Variants in NDFIP1 observed in about 807,000 individuals in gnomAD.
NDFIP1 encodes the protein NEDD4 family-interacting protein 1.
Under a neutral mutation model 28.8 loss-of-function variants are expected in NDFIP1, and 7 were observed. The observed-to-expected ratio is 0.24, with a 90% CI of 0.14 to 0.46. The LOEUF (loss-of-function observed/expected upper bound fraction) is 0.46, where lower values mean the gene tolerates loss of function less well. Among genes scored for constraint, NDFIP1 ranks in the 20% least tolerant of loss-of-function variants. The probability of loss-of-function intolerance (pLI) is 0.99; values close to 1 mark genes in which losing one functional copy is unlikely to be tolerated. For missense variants in NDFIP1, 194 were observed against 269.1 expected (o/e 0.72, Z 1.95); for synonymous variants, 92 against 101.0 (o/e 0.91, Z 0.53).
chr5:142,130,455 T>C (rs1596788511), intron 1 of NDFIP1, among the ~76,000 whole-genome samples: 1 of 152,324 alleles, frequency 6.6e-6, no homozygotes, highest in South Asian at 2.1e-4. Flanking sequence ...TTGGTGTGCA[T>C]GTGGAATATA....
intron 1 of NDFIP1, among the ~76,000 whole-genome samples, chr5:142,112,939 T>C (rs1440267940): frequency 6.6e-6 from 1 of 152,160 alleles, no homozygotes; most frequent in Non-Finnish European, 1.5e-5. Flanking sequence ...CTGAGAAACC[T>C]GTTGCGTGTT....
rs183121297 is a variant in NDFIP1 at position 142,115,789 on chromosome 5, G to C, written c.63+6752G>C. Reference sequence around the variant, plus strand: ...GCTTCTAGTGGTTGGCTAGGTGGGGGTATGAGTTAGAGTAGGCTCTGGGTA... The same window carrying C: ...GCTTCTAGTGGTTGGCTAGGTGGGGCTATGAGTTAGAGTAGGCTCTGGGTA... On this transcript the variant is annotated intron_variant, in intron 1 of 7. Coordinates refer to ENST00000253814, the MANE Select transcript of NDFIP1 (RefSeq NM_030571.4). Among the ~76,000 whole-genome samples the C allele has an allele frequency of 3.5e-3, 530 of 152,202 alleles. 2 individuals carry two copies. Among genetic ancestry groups the C allele is most frequent in the African/African-American group, 0.012 (516 of 41,522 alleles).
chr5:142,131,360 C>T (rs1406734213), intron 1 of NDFIP1, among the ~76,000 whole-genome samples: 2 of 152,040 alleles, frequency 1.3e-5, no homozygotes, highest in Admixed American at 6.5e-5. Flanking sequence ...CTGCAACCTC[C>T]GCCTCCCGGG....
intron 6 of NDFIP1, among the ~76,000 whole-genome samples, chr5:142,142,650 C>T (rs552585422): frequency 5.3e-5 from 8 of 151,796 alleles, no homozygotes; most frequent in Admixed American, 2.0e-4. Flanking sequence ...GAGTTTGGCC[C>T]GGCGTGGTGG....
At chr5:142,144,738 T>C (rs1419073045) in intron 7 of NDFIP1, 62 bp downstream of exon 7, 6 of 1,129,010 alleles carry the variant, frequency 5.3e-6, no homozygotes, top group Non-Finnish European at 7.9e-6. Flanking sequence ...TAGATTTCTG[T>C]TCAGTTTTAG....
intron 1 of NDFIP1, among the ~76,000 whole-genome samples, chr5:142,120,250 C>T (rs1431875785): frequency 6.6e-6 from 1 of 152,160 alleles, no homozygotes; most frequent in African/African-American, 2.4e-5. Flanking sequence ...GCCACTGCAC[C>T]CGGCCCAAAC....
rs1384179181 is a variant in NDFIP1 at position 142,148,763 on chromosome 5, A to T, written c.*3-2968A>T. Among the ~76,000 whole-genome samples, 3 of 150,046 alleles carry T rather than the reference A, an allele frequency of 2.0e-5. 1 individual carries two copies. In the East Asian group the frequency reaches 5.9e-4, roughly 29 times the overall value. ...GAGACTCTGTCTCAAAAAAAAAAAA[A>T]AAAAAAAAAAAAAAGTATGTGACTG... is the stretch of plus-strand genomic sequence containing the variant. On this transcript the variant is annotated intron_variant, in intron 7 of 7. Coordinates refer to ENST00000253814, the MANE Select transcript of NDFIP1 (RefSeq NM_030571.4).
intron 1 of NDFIP1, among the ~76,000 whole-genome samples, chr5:142,117,305 G>A (rs539496820): frequency 6.7e-6 from 1 of 149,502 alleles, no homozygotes; most frequent in South Asian, 2.1e-4. Flanking sequence ...GTGCAGTGGC[G>A]AAATCTCAGC....
At chr5:142,135,874 G>A (rs1757270299) in intron 4 of NDFIP1, 57 bp downstream of exon 4, 1 of 1,215,076 alleles carries the variant, frequency 8.2e-7, no homozygotes. Context: ...TTTGGATTAT[G>A]GGTGAATCTG....
At chr5:142,116,368 C>G (rs201584855) in intron 1 of NDFIP1, among the ~76,000 whole-genome samples, 2 of 106,352 alleles carry the variant, frequency 1.9e-5, no homozygotes, top group East Asian at 5.5e-4. Context: ...CTCTCTCTCT[C>G]TCTCTTTCTT....
intron 1 of NDFIP1, among the ~76,000 whole-genome samples, chr5:142,121,196 G>A (rs2126912954): frequency 6.6e-6 from 1 of 152,308 alleles, no homozygotes; most frequent in Non-Finnish European, 1.5e-5. Context: ...ATCAAGATAA[G>A]TTTTCCTTCA....
chr5:142,131,028 C>T (rs1757222316), intron 1 of NDFIP1, among the ~76,000 whole-genome samples: 2 of 151,844 alleles, frequency 1.3e-5, no homozygotes, highest in African/African-American at 4.8e-5. Context: ...AATCTTAGCT[C>T]GCTGCAGCCA....
In NDFIP1 at chr5:142,135,468, T is replaced by C. The variant is rs373178013; in HGVS notation, c.283-262T>C. Among the ~76,000 whole-genome samples the C allele has an allele frequency of 6.6e-5, 10 of 152,196 alleles. No individual in the cohort carries two copies. The South Asian group carries it at 2.1e-3, about 31-fold the overall frequency. The stretch of plus-strand genomic sequence containing the variant: ...GTATTGTTTTTGAAGTGTATTAAAT[T>C]TTTGAAGTGTATTGTTAAAGAACTT... On this transcript the variant is annotated intron_variant, in intron 3 of 7. Transcript: ENST00000253814.
Position 142,108,814 on chromosome 5 carries a change from G to C in NDFIP1, c.-161G>C. ...TCGGAGCCTCGGCGGCGGCGGCGGTGCTTACAGCCTGAGAAGAGCGTCTCG... is the reference window on the plus strand; with the variant it reads ...TCGGAGCCTCGGCGGCGGCGGCGGTCCTTACAGCCTGAGAAGAGCGTCTCG... On this transcript the variant is annotated 5_prime_UTR_variant, in exon 1 of 8. Transcript: ENST00000253814. 1.9e-6 allele frequency: 1 copy of C among 524,556 alleles called. No homozygotes were observed. The highest frequency in any genetic ancestry group is 3.0e-6 in the Non-Finnish European group (1 of 330,016). The allele number at this position is 524,556 out of a possible 1,614,324, so 32.5% of individuals were successfully genotyped here. A position where few individuals can be genotyped will look rare whatever the true frequency, so the allele number is the denominator to read the frequency against.
chr5:142,124,303 G>C (rs1460724898), intron 1 of NDFIP1, among the ~76,000 whole-genome samples: 1 of 152,128 alleles, frequency 6.6e-6, no homozygotes, highest in Non-Finnish European at 1.5e-5. Flanking sequence ...TGCCTTCGGG[G>C]ATGAGGGTTG....
chr5:142,110,998 C>G (rs1458762158), intron 1 of NDFIP1, among the ~76,000 whole-genome samples: 2 of 151,996 alleles, frequency 1.3e-5, no homozygotes, highest in African/African-American at 4.8e-5. Context: ...CACTCACCTA[C>G]TTAAAACACA....
At chr5:142,145,282 G>A (rs901823262) in intron 7 of NDFIP1, among the ~76,000 whole-genome samples, 5 of 152,176 alleles carry the variant, frequency 3.3e-5, no homozygotes, top group Non-Finnish European at 7.4e-5. Context: ...TAGAACAGGA[G>A]GACTAAGCCC....
chr5:142,142,659 G>A (rs1757343469), intron 6 of NDFIP1, among the ~76,000 whole-genome samples: 1 of 151,984 alleles, frequency 6.6e-6, no homozygotes, highest in South Asian at 2.1e-4. Flanking sequence ...CCGGCGTGGT[G>A]GCTCATGCCT....
chr5:142,146,248 A>C (rs932504314), intron 7 of NDFIP1, among the ~76,000 whole-genome samples: 1 of 152,250 alleles, frequency 6.6e-6, no homozygotes, highest in Non-Finnish European at 1.5e-5. Flanking sequence ...CTTTGATTGC[A>C]TGTCTGAAAA....
Sources: gnomAD v4.1 joint callset for allele counts (sites outside exome capture counted in the v4.1 genomes callset) on GRCh38, gnomAD v4.1.1 for gene constraint, MANE v1.5 for transcripts, NCBI Gene and HGNC (gene_info 2026-07-23, HGNC 2026-07-21) for gene names.